Variants in NT5C2 observed in about 807,000 individuals in gnomAD.
NT5C2 encodes the protein cytosolic purine 5'-nucleotidase.
Under a neutral mutation model 76.1 loss-of-function variants are expected in NT5C2, and 58 were observed. The observed-to-expected ratio is 0.76, with a 90% confidence interval of 0.62 to 0.95. The LOEUF is 0.95. NT5C2 is among the 40% of genes least tolerant of loss of function. NT5C2 has a pLI of 0.00. For missense variants in NT5C2, 478 were observed against 690.3 expected, an observed-to-expected ratio of 0.69 and a Z score of 3.45; for synonymous variants, 229 against 237.4, an observed-to-expected ratio of 0.96 and a Z score of 0.32.
intron 4 of NT5C2, among the ~76,000 whole-genome samples, chr10:103,124,314 CCT>C (rs2076274655): frequency 6.6e-6 from 1 of 151,922 alleles, no homozygotes; most frequent in Non-Finnish European, 1.5e-5. Flanking sequence ...GCCAAAATAC[CCT>C]GTCATTCAGC....
At chr10:103,188,133 G>C (rs2092266253) in intron 1 of NT5C2, among the ~76,000 whole-genome samples, 1 of 152,154 alleles carries the variant, frequency 6.6e-6, no homozygotes, top group Non-Finnish European at 1.5e-5. Flanking sequence ...GAGGCAGGTG[G>C]ATCACGAGGT....
At chr10:103,124,161 T>G (rs769959003) in intron 4 of NT5C2, among the ~76,000 whole-genome samples, 2 of 152,216 alleles carry the variant, frequency 1.3e-5, no homozygotes, top group Non-Finnish European at 2.9e-5. Context: ...AAAAGGCAAG[T>G]AACTCTCCTT....
rs113394155 is a variant in NT5C2 at position 103,139,483 on chromosome 10, T to C, written c.102-4A>G. ...TAAACTTCGGTTCACAAACACCCTA[T>C]AGAAAATAATAAAAAATAATATCTC... On this transcript the variant is annotated splice_region_variant and splice_polypyrimidine_tract_variant and intron_variant, in intron 3 of 18. Transcript: ENST00000404739. 74 of 1,541,390 alleles carry C rather than the reference T, an allele frequency of 4.8e-5. No individual in the cohort carries two copies. The African/African-American group carries it at 5.8e-4, about 12-fold the overall frequency.
intron 3 of NT5C2, among the ~76,000 whole-genome samples, chr10:103,174,027 T>G (rs1591760404): frequency 7.1e-6 from 1 of 140,166 alleles, no homozygotes; most frequent in Middle Eastern, 3.8e-3. Context: ...ACCCAGGAGG[T>G]GGAGGTTGCA....
intron 3 of NT5C2, among the ~76,000 whole-genome samples, chr10:103,162,147 C>G (rs2085064563): frequency 6.6e-6 from 1 of 152,130 alleles, no homozygotes; most frequent in Admixed American, 6.6e-5. Flanking sequence ...TCCCAAGTAG[C>G]TGGGACTACA....
At chr10:103,172,247 A>T (rs988624222) in intron 3 of NT5C2, among the ~76,000 whole-genome samples, 2 of 141,114 alleles carry the variant, frequency 1.4e-5, no homozygotes, top group African/African-American at 2.6e-5. Context: ...TTAACTTTAA[A>T]TTTTTTTTTT....
intron 3 of NT5C2, among the ~76,000 whole-genome samples, chr10:103,155,674 G>C (rs538530279): frequency 1.3e-4 from 20 of 152,134 alleles, no homozygotes; most frequent in Non-Finnish European, 2.6e-4. Context: ...AGGTGACAGA[G>C]CAAGACCCAG....
chr10:103,097,158 T>TTAA (rs1394424488), intron 11 of NT5C2, 133 bp downstream of exon 11: 5 of 660,040 alleles, frequency 7.6e-6, no homozygotes, highest in Non-Finnish European at 9.8e-6. Flanking sequence ...TATTTTTGCC[T>TTAA]TTTTACTCTT....
intron 3 of NT5C2, among the ~76,000 whole-genome samples, chr10:103,157,244 G>C (rs2083611292): frequency 6.6e-6 from 1 of 151,874 alleles, no homozygotes; most frequent in Non-Finnish European, 1.5e-5. Context: ...AAAAAAGCAA[G>C]AACGAACTAA....
intron 3 of NT5C2, among the ~76,000 whole-genome samples, chr10:103,167,448 T>G (rs2086676489): frequency 1.3e-5 from 2 of 152,164 alleles, no homozygotes; most frequent in African/African-American, 4.8e-5. Flanking sequence ...GAACCAATAC[T>G]AAAATGACAG....
rs1273762439 is a variant in NT5C2 at position 103,128,994 on chromosome 10, G to A, written c.175+10412C>T. 1.4e-4 allele frequency among the ~76,000 whole-genome samples: 15 copies of A among 103,998 alleles called. 2 individuals carry two copies. Among genetic ancestry groups the A allele is most frequent in the African/African-American group, 3.6e-4 (10 of 28,092 alleles). 68.2% of individuals were successfully genotyped at this position (103,998 alleles called of 152,430 possible). A position where few individuals can be genotyped will look rare whatever the true frequency, so the allele number is the denominator to read the frequency against. ...GGAGGTAGGGGGGGGTCAACCCCCC[G>A]CCCGGCCAGCCGCCCCATCTGGGAG... is the stretch of plus-strand genomic sequence containing the variant. On this transcript the variant is annotated intron_variant, in intron 4 of 18. Coordinates refer to ENST00000404739, the MANE Select transcript of NT5C2 (RefSeq NM_001351169.2).
intron 16 of NT5C2, among the ~76,000 whole-genome samples, 189 bp from the exon 17 acceptor site, chr10:103,091,185 G>A (rs770468564): frequency 4.6e-5 from 7 of 151,616 alleles, no homozygotes; most frequent in Non-Finnish European, 7.4e-5. Flanking sequence ...ACAGGCATGT[G>A]CCACCACACT....
In NT5C2 at chr10:103,090,771, A is replaced by C. The variant is rs1433755096; in HGVS notation, c.1289T>G (p.Met430Arg). Reference protein sequence around the residue: ...QRRIKKVTHDMDMCYGMMGSL... With the variant: ...QRRIKKVTHDRDMCYGMMGSL... ...TCCCATCATCCCATAGCACATGTCC[A>C]TGTCATGAGTTACTTTCTAAAACAA... Residue 430 changes from methionine (M) to arginine (R), a missense_variant, in exon 18 of 19, where the codon ATG becomes AGG. Met to Arg is a moderately conservative substitution (Grantham distance 91, BLOSUM62 -1). Coordinates refer to ENST00000404739, the MANE Select transcript of NT5C2 (RefSeq NM_001351169.2). 1 of 1,613,876 alleles carries C rather than the reference A, an allele frequency of 6.2e-7. No homozygotes were observed. Among genetic ancestry groups the C allele is most frequent in the Non-Finnish European group, 8.5e-7 (1 of 1,179,980 alleles).
At chr10:103,183,294 T>TATATATATATATATATATAA (rs1297429380) in intron 1 of NT5C2, among the ~76,000 whole-genome samples, 1 of 109,338 alleles carries the variant, frequency 9.1e-6, no homozygotes, top group Non-Finnish European at 1.9e-5. Context: ...TATATATATA[T>TATATATATATATATATATAA]CACACACTCC....
intron 2 of NT5C2, among the ~76,000 whole-genome samples, chr10:103,179,530 C>T (rs1292394458): frequency 1.3e-5 from 2 of 152,136 alleles, no homozygotes; most frequent in East Asian, 1.9e-4. Flanking sequence ...GTGCACACCA[C>T]CATGCCCGGC....
chr10:103,159,718 G>C (rs1233221142), intron 3 of NT5C2, among the ~76,000 whole-genome samples: 2 of 151,098 alleles, frequency 1.3e-5, no homozygotes, highest in Non-Finnish European at 2.9e-5. Flanking sequence ...TGCAAGACCT[G>C]TACAATGAAG....
chr10:103,166,844 G>T (rs1007856265), intron 3 of NT5C2, among the ~76,000 whole-genome samples: 1 of 151,796 alleles, frequency 6.6e-6, no homozygotes, highest in Non-Finnish European at 1.5e-5. Context: ...GTAGAGACAG[G>T]GTATCATTAT....
At chr10:103,101,585 A>G (rs988333482) in intron 6 of NT5C2, among the ~76,000 whole-genome samples, 1 of 151,382 alleles carries the variant, frequency 6.6e-6, no homozygotes, top group Non-Finnish European at 1.5e-5. Context: ...AAGATTGCTC[A>G]AGCAATCTTC....
intron 1 of NT5C2, among the ~76,000 whole-genome samples, chr10:103,192,725 G>C (rs1027291291): frequency 6.6e-6 from 1 of 152,236 alleles, no homozygotes; most frequent in Non-Finnish European, 1.5e-5. Flanking sequence ...TTGGCTTCTC[G>C]GGAGGCGACC....
Sources: allele counts gnomAD v4.1 joint callset (sites outside exome capture counted in the v4.1 genomes callset), GRCh38; gene constraint gnomAD v4.1.1; transcripts MANE v1.5; gene names NCBI Gene and HGNC (gene_info 2026-07-23, HGNC 2026-07-21).